Variants in CYP17A1 observed in about 807,000 individuals in gnomAD.
CYP17A1 encodes the protein cytochrome P450 family 17 subfamily A member 1, also known as steroid 17-alpha-hydroxylase/17,20 lyase.
CYP17A1 carries 27 observed loss-of-function variants against 38.5 expected under a neutral mutation model. That is an observed-to-expected ratio of 0.70 (90% CI 0.52 to 0.97). The LOEUF is 0.97. Among genes scored for constraint, CYP17A1 ranks in the 50% least tolerant of loss-of-function variants. CYP17A1 has a pLI of 0.00. For missense variants in CYP17A1, 549 were observed against 645.9 expected, an observed-to-expected ratio of 0.85 and a Z score of 1.63; for synonymous variants, 263 against 253.3, an observed-to-expected ratio of 1.04 and a Z score of -0.36.
rs545709194 is a variant in CYP17A1, at chr10:102,836,689, T to A, written c.297+376A>T. ...CATTTTCCATGAAAAGTAACATGAA[T>A]CCTGGCTGTATAAGGGGCACTTACT... On this transcript the variant is annotated intron_variant, in intron 1 of 7. Transcript: ENST00000369887. The A allele has an allele frequency of 3.5e-5, 9 of 256,290 alleles. No individual in the cohort carries two copies. The Admixed American group carries it at 4.3e-4, about 12-fold the overall frequency. 15.9% of individuals were successfully genotyped at this position (256,290 alleles called of 1,614,324 possible).
intron 5 of CYP17A1, 122 bp from the exon 6 acceptor site, chr10:102,832,802 C>G (rs1379729429): frequency 7.4e-7 from 1 of 1,343,516 alleles, no homozygotes; most frequent in Non-Finnish European, 1.1e-6. Context: ...AGTAGTGGCT[C>G]TGGGGCCCAG....
chr10:102,830,753 C>G lies in CYP17A1; in HGVS notation c.1476G>C (p.Lys492Asn). 6.2e-7 allele frequency: 1 copy of G among 1,605,224 alleles called. No homozygotes were observed. ...VVFLIDSFKV[K>N]IKVRQAWREA... ...CCCTCCAGGCCTGGCGCACCTTGATCTTCACTTTGAAAGAGTCGATCAGAA... is the reference window on the plus strand; with the variant it reads ...CCCTCCAGGCCTGGCGCACCTTGATGTTCACTTTGAAAGAGTCGATCAGAA... Residue 492 changes from lysine to asparagine, a missense_variant, in exon 8 of 8, where the codon AAG becomes AAC. Transcript: ENST00000369887. This position sits in a 1 kb window ranked among gnomAD's most constrained non-coding sequence, Gnocchi z 4.1.
In CYP17A1 at chr10:102,835,592, T is replaced by C. The variant is rs1844152645; in HGVS notation, c.298-200A>G. 3 of 631,600 alleles carry C rather than the reference T, an allele frequency of 4.7e-6. No homozygotes were observed. In the Admixed American group the frequency reaches 7.4e-5, roughly 16 times the overall value. The allele number at this position is 631,600 out of a possible 1,614,324, so 39.1% of individuals were successfully genotyped here. A position where few individuals can be genotyped will look rare whatever the true frequency, so the allele number is the denominator to read the frequency against. On this transcript the variant is annotated intron_variant, in intron 1 of 7. Coordinates refer to ENST00000369887, the MANE Select transcript of CYP17A1 (RefSeq NM_000102.4). ...GACCCTAAGGCCTCCTACTCCCAAT[T>C]CCTTCAGAAATACAGTAGATCAAGG... is the stretch of plus-strand genomic sequence containing the variant.
chr10:102,835,076 C>A, intron 2 of CYP17A1, 62 bp from the exon 3 acceptor site: 1 of 1,178,456 alleles, frequency 8.5e-7, no homozygotes, highest in Non-Finnish European at 1.3e-6. Flanking sequence ...CTCTCTGTAC[C>A]AGTTGCCTCT....
chr10:102,833,973 C>T (rs2134083241), intron 4 of CYP17A1, 63 bp downstream of exon 4: 2 of 829,786 alleles, frequency 2.4e-6, no homozygotes, highest in African/African-American at 1.7e-5. Flanking sequence ...GTAGAATGGA[C>T]TCCACCCTGC....
intron 2 of CYP17A1, 51 bp from the exon 3 acceptor site, chr10:102,835,065 CCT>C: frequency 8.2e-7 from 1 of 1,214,382 alleles, no homozygotes; most frequent in Non-Finnish European, 1.2e-6. Flanking sequence ...ACCCTTACCC[CCT>C]CTCTGTACCA....
rs1478016242 is a variant in CYP17A1 at position 102,837,251 on chromosome 10, C to A, written c.111G>T (p.Val37=). The A allele has an allele frequency of 2.1e-5, 34 of 1,606,834 alleles. No individual in the cohort carries two copies. Among genetic ancestry groups the A allele is most frequent in the Non-Finnish European group, 2.8e-5 (33 of 1,173,406 alleles). ...YPKSLLSLPL[V]GSLPFLPRHG... is the part of the protein sequence containing the mutation. ...GTCTGGGGAGGAATGGCAGGCTGCCCACCAGGGGCAGGGACAGGAGGCTCT... is the reference window on the plus strand; with the variant it reads ...GTCTGGGGAGGAATGGCAGGCTGCCAACCAGGGGCAGGGACAGGAGGCTCT... Residue 37 remains valine (V), a synonymous_variant, in exon 1 of 8, where the codon GTG becomes GTT. Coordinates refer to ENST00000369887, the MANE Select transcript of CYP17A1 (RefSeq NM_000102.4).
chr10:102,832,872 G>A, intron 5 of CYP17A1, 121 bp downstream of exon 5: 3 of 1,530,956 alleles, frequency 2.0e-6, no homozygotes, highest in Non-Finnish European at 2.7e-6. Flanking sequence ...TACTGCTTGG[G>A]TAAGGAGCAG....
chr10:102,837,050 A>T lies in CYP17A1; in HGVS notation c.297+15T>A. 6.6e-7 allele frequency: 1 copy of T among 1,514,636 alleles called. No homozygotes were observed. Among genetic ancestry groups the T allele is most frequent in the Non-Finnish European group, 9.2e-7 (1 of 1,090,544 alleles). The allele number at this position is 1,514,636 out of a possible 1,614,324, so 93.8% of individuals were successfully genotyped here. A position where few individuals can be genotyped will look rare whatever the true frequency, so the allele number is the denominator to read the frequency against. ...GGGTGGTGAAGGGGGCAGGGAGGAG[A>T]TGGGCACCACTTACCATTTGAGGCC... On this transcript the variant is annotated intron_variant, in intron 1 of 7. Coordinates refer to ENST00000369887, the MANE Select transcript of CYP17A1 (RefSeq NM_000102.4).
chr10:102,831,669 C>T, intron 6 of CYP17A1, 58 bp from the exon 7 acceptor site: 1 of 1,603,962 alleles, frequency 6.2e-7, no homozygotes, highest in Non-Finnish European at 8.5e-7. Flanking sequence ...CTTCCTTGCT[C>T]AGCCTCATGC....
In CYP17A1 at chr10:102,833,197, C is replaced by T; in HGVS notation, c.765G>A (p.Arg255=). The T allele has an allele frequency of 6.2e-7, 1 of 1,614,058 alleles. No individual in the cohort carries two copies. Among genetic ancestry groups the T allele is most frequent in the Non-Finnish European group, 8.5e-7 (1 of 1,180,024 alleles). Residue 255 remains arginine (R), a synonymous_variant, in exon 5 of 8, where the codon CGG becomes CGA. Transcript: ENST00000369887. The stretch of plus-strand genomic sequence containing the variant: ...CCAGCATGTTGGTGATAGAGTCACT[C>T]CGGAATTTCTCCTGGGTTGGGTGAG... The part of the protein sequence containing the change: ...KILENYKEKF[R]SDSITNMLDT...
In CYP17A1 at chr10:102,830,770, C is replaced by A. The variant is rs760333995; in HGVS notation, c.1459G>T (p.Asp487Tyr). 1.7e-5 allele frequency: 28 copies of A among 1,600,398 alleles called. No homozygotes were observed. Among genetic ancestry groups the A allele is most frequent in the Non-Finnish European group, 2.4e-5 (28 of 1,169,508 alleles). ...EGIPKVVFLI[D>Y]SFKVKIKVRQ... ...ACCTTGATCTTCACTTTGAAAGAGTCGATCAGAAAGACCACCTTGGGGATG... is the reference window on the plus strand; with the variant it reads ...ACCTTGATCTTCACTTTGAAAGAGTAGATCAGAAAGACCACCTTGGGGATG... Residue 487 changes from aspartate to tyrosine, a missense_variant, in exon 8 of 8, where the codon GAC becomes TAC. Physicochemically the swap from Asp to Tyr is radical, Grantham distance 160 (BLOSUM62 -3). This residue lies in a region of CYP17A1 where 257 missense variants were observed against 307.9 expected (regional missense o/e 0.83). Coordinates refer to ENST00000369887, the MANE Select transcript of CYP17A1 (RefSeq NM_000102.4). This position sits in a 1 kb window ranked among gnomAD's most constrained non-coding sequence, Gnocchi z 4.1.
intron 1 of CYP17A1, 160 bp from the exon 2 acceptor site, chr10:102,835,552 G>A (rs1441552053): frequency 1.4e-6 from 1 of 719,970 alleles, no homozygotes; most frequent in Admixed American, 1.9e-5. Flanking sequence ...ATGACTGCAA[G>A]GACTTGGTAG....
At chr10:102,836,569 G>A (rs144791011) in intron 1 of CYP17A1, 1 of 163,838 alleles carries the variant, frequency 6.1e-6, no homozygotes, top group East Asian at 1.7e-4. Context: ...AGCCTGAGTA[G>A]CTGGAAATAG....
At position 102,831,882 on chromosome 10, in the gene CYP17A1, G is replaced by A. The variant is rs45609333; in HGVS notation, c.1140-271C>T. Among the ~76,000 whole-genome samples, 2,422 of 152,154 alleles carry A rather than the reference G, an allele frequency of 0.016. 38 individuals are homozygous for A. Among genetic ancestry groups the A allele is most frequent in the Non-Finnish European group, 0.021 (1,406 of 67,990 alleles). ...GTGGGTGTGCGTTTGGAGCTGCAGC[G>A]CATGTTATGTGCGTGCTGCAGCTGG... On this transcript the variant is annotated intron_variant, in intron 6 of 7. Transcript: ENST00000369887.
rs1345467041 is a variant in CYP17A1, at chr10:102,831,000, T to A, written c.1244-15A>T. 6.5e-7 allele frequency: 1 copy of A among 1,546,298 alleles called. No homozygotes were observed. Among genetic ancestry groups the A allele is most frequent in the Non-Finnish European group, 8.8e-7 (1 of 1,137,384 alleles). ...CAAGAAACGCTCTGCAGGCAAGGAG[T>A]GGCATCAGCCAGGGGTTAGGGCAGG... On this transcript the variant is annotated splice_polypyrimidine_tract_variant and intron_variant, in intron 7 of 7. Coordinates refer to ENST00000369887, the MANE Select transcript of CYP17A1 (RefSeq NM_000102.4). The surrounding 1 kb of genome is among the most constrained non-coding windows in gnomAD (Gnocchi z 4.1).
intron 7 of CYP17A1, 100 bp downstream of exon 7, chr10:102,831,408 T>C: frequency 6.4e-7 from 1 of 1,551,968 alleles, no homozygotes; most frequent in South Asian, 1.2e-5. Context: ...AGCCAAGAGT[T>C]TTCTAGCAGC....
intron 1 of CYP17A1, chr10:102,835,646 A>C: frequency 1.9e-6 from 1 of 531,894 alleles, no homozygotes; most frequent in South Asian, 2.0e-5. Flanking sequence ...ATTAGAATGC[A>C]GCAGCATTGG....
At position 102,837,154 on chromosome 10, in the gene CYP17A1, T is replaced by C. The variant is rs908864807; in HGVS notation, c.208A>G (p.Thr70Ala). ...TGGCCGACAATCACTGTAGTCTTGG[T>C]GCCCATACGAACCGAATAGATGGGG... ...YGPIYSVRMG[T>A]KTTVIVGHHQ... Residue 70 changes from threonine (T) to alanine (A), a missense_variant, in exon 1 of 8, where the codon ACC becomes GCC. By Grantham distance (58) the Thr-to-Ala change is moderately conservative. This residue lies in a region of CYP17A1 where 289 missense variants were observed against 320.9 expected (regional missense o/e 0.90). Transcript: ENST00000369887. 1.9e-6 allele frequency: 3 copies of C among 1,594,324 alleles called. No individual in the cohort carries two copies. The highest frequency in any genetic ancestry group is 2.6e-6 in the Non-Finnish European group (3 of 1,162,142).
Sources: allele counts gnomAD v4.1 joint callset (sites outside exome capture counted in the v4.1 genomes callset), GRCh38; gene constraint gnomAD v4.1.1; regional missense constraint gnomAD v4.1.1; non-coding constraint Gnocchi (gnomAD v3.1); transcripts MANE v1.5; gene names NCBI Gene and HGNC (gene_info 2026-07-23, HGNC 2026-07-21).